The following SLC9A9 variants were observed in gnomAD, a reference collection of about 807,000 sequenced individuals.
The protein encoded by SLC9A9 is solute carrier family 9 member A9, also known as sodium/hydrogen exchanger 9.
SLC9A9 carries 62 observed loss-of-function variants against 77.8 expected under a neutral mutation model. That is an observed-to-expected ratio of 0.80 (90% confidence interval 0.65 to 0.98). The LOEUF is 0.98. Among genes scored for constraint, SLC9A9 ranks in the 50% least tolerant of loss-of-function variants. The pLI, the probability that SLC9A9 is intolerant of heterozygous loss-of-function variation, is 0.00. For missense variants in SLC9A9, 775 were observed against 774.9 expected, an observed-to-expected ratio of 1.00 and a Z score of 0.00; for synonymous variants, 320 against 283.5, an observed-to-expected ratio of 1.13 and a Z score of -1.29.
intron 5 of SLC9A9, chr3:143,655,439 A>G: frequency 1.0e-6 from 1 of 982,062 alleles, no homozygotes; most frequent in Non-Finnish European, 1.2e-6. Flanking sequence ...ATGCAATCCG[A>G]TTTCTTAAAC....
At chr3:143,506,533 A>G (rs2036021625) in intron 9 of SLC9A9, among the ~76,000 whole-genome samples, 1 of 152,208 alleles carries the variant, frequency 6.6e-6, no homozygotes, top group African/African-American at 2.4e-5. Context: ...TTTTATCAGA[A>G]TAGTTGCAGC....
At chr3:143,466,929 G>A (rs1219937828) in intron 12 of SLC9A9, 108 bp downstream of exon 12, 10 of 1,391,472 alleles carry the variant, frequency 7.2e-6, no homozygotes, top group Non-Finnish European at 8.0e-6. Flanking sequence ...TGCTGGGAAA[G>A]TTAGGGTAGG....
intron 12 of SLC9A9, among the ~76,000 whole-genome samples, chr3:143,438,428 G>T (rs1258703115): frequency 1.3e-5 from 2 of 152,094 alleles, no homozygotes; most frequent in Non-Finnish European, 2.9e-5. Flanking sequence ...CCTGGCGTGT[G>T]TGTGTGTGTT....
rs2035814447 is a variant in SLC9A9, at chr3:143,495,341, T to C, written c.1197A>G (p.Gly399=). The C allele has an allele frequency of 6.2e-7, 1 of 1,611,206 alleles. No individual in the cohort carries two copies. The highest frequency in any genetic ancestry group is 1.3e-5 in the African/African-American group (1 of 74,872). Residue 399 remains glycine, a synonymous_variant, in exon 10 of 16, where the codon GGA becomes GGG. Transcript: ENST00000316549. ...TCTGTATTTCAAAGGATACAAAGGC[T>C]CCAAGTATAAAAAGAGCATTAAAGA... ...NHIFNALFIL[G]AFLAIFVARA...
At chr3:143,522,560 T>C (rs1194688884) in intron 9 of SLC9A9, among the ~76,000 whole-genome samples, 1 of 152,112 alleles carries the variant, frequency 6.6e-6, no homozygotes, top group Non-Finnish European at 1.5e-5. Context: ...TTATATGACT[T>C]GTCACTTGGC....
chr3:143,319,310 G>A (rs1252241307), intron 14 of SLC9A9, among the ~76,000 whole-genome samples: 2 of 152,168 alleles, frequency 1.3e-5, no homozygotes, highest in Non-Finnish European at 2.9e-5. Flanking sequence ...TCCTATAAAT[G>A]TCCTTTTTGA....
chr3:143,659,005 G>A (rs1325963113), intron 5 of SLC9A9, among the ~76,000 whole-genome samples: 4 of 152,144 alleles, frequency 2.6e-5, no homozygotes, highest in Non-Finnish European at 5.9e-5. Flanking sequence ...ATTTAACAAA[G>A]ATTCAATTTT....
At chr3:143,616,512 A>T (rs1156866125) in intron 6 of SLC9A9, among the ~76,000 whole-genome samples, 1 of 152,206 alleles carries the variant, frequency 6.6e-6, no homozygotes, top group Non-Finnish European at 1.5e-5. Context: ...TTATGGCATT[A>T]AAAAGGGTTA....
intron 9 of SLC9A9, among the ~76,000 whole-genome samples, chr3:143,550,194 C>G (rs751735032): frequency 6.6e-6 from 1 of 152,048 alleles, no homozygotes; most frequent in Non-Finnish European, 1.5e-5. Context: ...TTCAGGAAAT[C>G]CTGTTTAGGA....
intron 10 of SLC9A9, among the ~76,000 whole-genome samples, 180 bp from the exon 11 acceptor site, chr3:143,493,944 T>C (rs887502726): frequency 6.6e-6 from 1 of 152,240 alleles, no homozygotes; most frequent in African/African-American, 2.4e-5. Context: ...GTCAAGTTCT[T>C]CCCAGAAATA....
At chr3:143,406,512 G>A (rs1002219122) in intron 12 of SLC9A9, among the ~76,000 whole-genome samples, 1 of 151,806 alleles carries the variant, frequency 6.6e-6, no homozygotes, top group African/African-American at 2.4e-5. Context: ...CGAGTAGCTG[G>A]GATCACAGGT....
intron 14 of SLC9A9, among the ~76,000 whole-genome samples, chr3:143,321,271 T>C (rs934556316): frequency 1.3e-5 from 2 of 152,224 alleles, no homozygotes; most frequent in African/African-American, 4.8e-5. Flanking sequence ...AGAAGCTCCG[T>C]TTACTATGAC....
chr3:143,726,372 T>C (rs190304940), intron 4 of SLC9A9, among the ~76,000 whole-genome samples: 93 of 152,262 alleles, frequency 6.1e-4, no homozygotes, highest in African/African-American at 2.2e-3. Flanking sequence ...TATATTTTGA[T>C]TGACATGGTA....
At chr3:143,518,797 T>C (rs1022415866) in intron 9 of SLC9A9, among the ~76,000 whole-genome samples, 4 of 152,374 alleles carry the variant, frequency 2.6e-5, no homozygotes, top group South Asian at 2.1e-4. Context: ...ATGGACATTT[T>C]GGTTGTGTCC....
chr3:143,439,537 T>G lies in SLC9A9; in HGVS notation c.1469+27500A>C, dbSNP rs1204077257. On this transcript the variant is annotated intron_variant, in intron 12 of 15. Transcript: ENST00000316549. ...AAGAAGTGGGACAAGAAGAGCATCC[T>G]GAGCCATGGGGGCTTTGGGAGCAAA... 4.5e-4 allele frequency among the ~76,000 whole-genome samples: 68 copies of G among 152,206 alleles called. 1 individual carries two copies. The highest frequency in any genetic ancestry group is 4.4e-3 in the Admixed American group (67 of 15,282).
intron 5 of SLC9A9, among the ~76,000 whole-genome samples, chr3:143,659,412 CA>C (rs991562727): frequency 6.6e-6 from 1 of 152,158 alleles, no homozygotes; most frequent in African/African-American, 2.4e-5. Context: ...GCTTCCCAAA[CA>C]AATGTTTCTC....
chr3:143,343,808 T>C (rs1404930122), intron 14 of SLC9A9, among the ~76,000 whole-genome samples: 1 of 152,204 alleles, frequency 6.6e-6, no homozygotes, highest in Non-Finnish European at 1.5e-5. Context: ...CTTTGTGCTC[T>C]TGAGACCTCA....
chr3:143,668,477 A>G (rs966997443), intron 5 of SLC9A9, among the ~76,000 whole-genome samples: 1 of 152,210 alleles, frequency 6.6e-6, no homozygotes, highest in East Asian at 1.9e-4. Context: ...TTAAAGTATA[A>G]TAACAAAAAA....
intron 14 of SLC9A9, among the ~76,000 whole-genome samples, chr3:143,347,241 T>C (rs2032309950): frequency 6.6e-6 from 1 of 152,148 alleles, no homozygotes; most frequent in African/African-American, 2.4e-5. Flanking sequence ...CCAGTAATCG[T>C]CACAAGCATC....
Sources: gnomAD v4.1 joint callset for allele counts (sites outside exome capture counted in the v4.1 genomes callset) on GRCh38, gnomAD v4.1.1 for gene constraint, MANE v1.5 for transcripts, NCBI Gene and HGNC (gene_info 2026-07-23, HGNC 2026-07-21) for gene names.